GRID2: variants seen among roughly 807,000 people sequenced by gnomAD.
GRID2 encodes the protein glutamate ionotropic receptor delta type subunit 2.
In GRID2, 33 loss-of-function variants were observed where a neutral mutation model predicts 114.8. That is an observed-to-expected ratio of 0.29 (90% CI 0.22 to 0.38). GRID2 has a LOEUF of 0.38. Ranked by LOEUF, GRID2 falls within the 10% of genes least tolerant of loss-of-function variation. GRID2 has a pLI of 1.00. For synonymous variants in GRID2, 505 were observed against 449.9 expected (o/e 1.12, Z -1.55); for missense variants, 1,184 against 1,257.7 (o/e 0.94, Z 0.89).
chr4:92,854,965 A>C (rs1744074686), intron 2 of GRID2, among the ~76,000 whole-genome samples: 1 of 152,066 alleles, frequency 6.6e-6, no homozygotes, highest in Non-Finnish European at 1.5e-5. Flanking sequence ...ATCTGGTTTA[A>C]AGGATAAAAA....
intron 5 of GRID2, among the ~76,000 whole-genome samples, chr4:93,211,014 CTTTAGAGAAATGGAT>C (rs1334857319): frequency 6.6e-6 from 1 of 152,024 alleles, no homozygotes; most frequent in African/African-American, 2.4e-5. Context: ...CTTCTTACCT[CTTTAGAGAAATGGAT>C]TAATCTGGAC....
At chr4:93,676,597 ATAACT>A (rs954052406) in intron 14 of GRID2, among the ~76,000 whole-genome samples, 2 of 152,176 alleles carry the variant, frequency 1.3e-5, no homozygotes, top group Non-Finnish European at 2.9e-5. Flanking sequence ...TAATACAATG[ATAACT>A]TAAGTTTAGC....
intron 8 of GRID2, among the ~76,000 whole-genome samples, chr4:93,325,030 A>G (rs183054406): frequency 5.7e-4 from 86 of 151,916 alleles, no homozygotes; most frequent in African/African-American, 2.0e-3. Flanking sequence ...TTGTGTCTCT[A>G]TCTCCTTCAG....
chr4:92,377,228 A>G (rs980885166), intron 1 of GRID2, among the ~76,000 whole-genome samples: 2 of 152,166 alleles, frequency 1.3e-5, no homozygotes, highest in South Asian at 2.1e-4. Flanking sequence ...TTCTTCTGCC[A>G]GATACCCAAA....
chr4:93,142,804 G>A (rs1735888964), intron 4 of GRID2, among the ~76,000 whole-genome samples: 1 of 152,148 alleles, frequency 6.6e-6, no homozygotes, highest in African/African-American at 2.4e-5. Context: ...AACTGTGAAG[G>A]TTCAATGTGC....
chr4:93,301,177 T>C (rs904553414), intron 8 of GRID2, among the ~76,000 whole-genome samples: 9 of 152,212 alleles, frequency 5.9e-5, no homozygotes, highest in African/African-American at 2.2e-4. Context: ...ATATGAAGCA[T>C]TTTATAATAG....
At chr4:93,690,201 A>G (rs982340082) in intron 14 of GRID2, among the ~76,000 whole-genome samples, 24 of 152,006 alleles carry the variant, frequency 1.6e-4, no homozygotes, top group African/African-American at 5.6e-4. Context: ...ACATGATCCT[A>G]TATGTGAAAC....
At chr4:92,949,042 A>G (rs1284677414) in intron 2 of GRID2, among the ~76,000 whole-genome samples, 1 of 151,742 alleles carries the variant, frequency 6.6e-6, no homozygotes, top group African/African-American at 2.4e-5. Flanking sequence ...TTAGTTGAAT[A>G]ACAGTATCAG....
intron 8 of GRID2, among the ~76,000 whole-genome samples, chr4:93,260,710 T>A (rs921425742): frequency 2.0e-5 from 3 of 151,832 alleles, no homozygotes; most frequent in Non-Finnish European, 4.4e-5. Flanking sequence ...TAAATCCTAC[T>A]GCCTTTTTCA....
At chr4:92,921,292 G>C (rs571716842) in intron 2 of GRID2, among the ~76,000 whole-genome samples, 1 of 151,874 alleles carries the variant, frequency 6.6e-6, no homozygotes, top group Non-Finnish European at 1.5e-5. Flanking sequence ...CCGTGGGTTC[G>C]AACTTCCTCC....
chr4:93,149,573 CA>C (rs201508289), intron 4 of GRID2, among the ~76,000 whole-genome samples: 40 of 141,818 alleles, frequency 2.8e-4, no homozygotes, highest in South Asian at 4.5e-4. Flanking sequence ...AAGACTCCAT[CA>C]AAAAAAAAAA....
intron 10 of GRID2, among the ~76,000 whole-genome samples, chr4:93,444,916 G>A (rs954747621): frequency 6.6e-6 from 1 of 151,962 alleles, no homozygotes; most frequent in African/African-American, 2.4e-5. Context: ...ATGTAGCGAT[G>A]ACTGTTCATT....
Position 93,330,874 on chromosome 4 carries a change from AG to A in GRID2, c.1246-64731del, listed in dbSNP as rs1329151888. Among the ~76,000 whole-genome samples, 5 of 152,172 alleles carry A rather than the reference AG, an allele frequency of 3.3e-5. No individual in the cohort carries two copies. The South Asian group carries it at 1.0e-3, about 32-fold the overall frequency. The stretch of plus-strand genomic sequence containing the variant: ...TGTTGATTGGAAGAGGATCCAGACA[AG>A]GTAGTGATAGATTACAGAACACAGC... On this transcript the variant is annotated intron_variant, in intron 8 of 15. Coordinates refer to ENST00000282020, the MANE Select transcript of GRID2 (RefSeq NM_001510.4).
Position 93,515,324 on chromosome 4 carries a change from C to G in GRID2, c.2106C>G (p.Asp702Glu). Residue 702 changes from aspartate to glutamate, a missense_variant, in exon 13 of 16, where the codon GAC (aspartate) becomes GAG (glutamate). Coordinates refer to ENST00000282020, the MANE Select transcript of GRID2 (RefSeq NM_001510.4). ...RMKGLNPFER[D>E]SMYSQMWRMI... ...AAGGACTGAATCCTTTTGAGAGGGA[C>G]AGCATGTATTCCCAAATGTGGCGGA... 6.2e-7 allele frequency: 1 copy of G among 1,611,274 alleles called. No individual in the cohort carries two copies. The highest frequency in any genetic ancestry group is 1.3e-5 in the African/African-American group (1 of 74,946).
At chr4:93,469,737 A>T (rs994960621) in intron 11 of GRID2, among the ~76,000 whole-genome samples, 1 of 152,106 alleles carries the variant, frequency 6.6e-6, no homozygotes, top group African/African-American at 2.4e-5. Context: ...TATCCTCCAG[A>T]AAACCTTCCT....
At chr4:92,619,318 C>T (rs1327200885) in intron 2 of GRID2, among the ~76,000 whole-genome samples, 1 of 151,722 alleles carries the variant, frequency 6.6e-6, no homozygotes, top group Non-Finnish European at 1.5e-5. Context: ...AGCTAGAGCC[C>T]TCTCCAGTAT....
chr4:93,122,890 G>GTTTTT (rs886185779), intron 4 of GRID2, among the ~76,000 whole-genome samples: 1,068 of 69,700 alleles, frequency 0.015, 75 homozygotes, highest in African/African-American at 0.044. Flanking sequence ...ACAGATGTGG[G>GTTTTT]TTTTTTTTTT....
At chr4:92,522,113 G>C (rs1724813075) in intron 1 of GRID2, among the ~76,000 whole-genome samples, 1 of 151,786 alleles carries the variant, frequency 6.6e-6, no homozygotes. Flanking sequence ...GAGGAGCATA[G>C]GAGTAGAGAT....
At chr4:92,718,704 A>G (rs1164809781) in intron 2 of GRID2, among the ~76,000 whole-genome samples, 1 of 146,916 alleles carries the variant, frequency 6.8e-6, no homozygotes, top group Non-Finnish European at 1.5e-5. Flanking sequence ...TTGAGGCTGC[A>G]ATGAGCCATG....
Sources: allele counts gnomAD v4.1 joint callset (sites outside exome capture counted in the v4.1 genomes callset), GRCh38; gene constraint gnomAD v4.1.1; transcripts MANE v1.5; gene names NCBI Gene and HGNC (gene_info 2026-07-23, HGNC 2026-07-21).